The following FLT1 variants were observed in gnomAD, a reference collection of about 807,000 sequenced individuals.
FLT1 encodes the protein vascular endothelial growth factor receptor 1.
A neutral mutation model predicts 156.3 loss-of-function variants in FLT1; 49 were observed. That is an observed-to-expected ratio of 0.31 (90% CI 0.25 to 0.40). The LOEUF (loss-of-function observed/expected upper bound fraction) is 0.40, where lower values mean the gene tolerates loss of function less well. Ranked by LOEUF, FLT1 falls within the 10% of genes least tolerant of loss-of-function variation. The probability of loss-of-function intolerance (pLI) is 1.00; values close to 1 mark genes in which losing one functional copy is unlikely to be tolerated. For synonymous variants in FLT1, 594 were observed against 583.8 expected (o/e 1.02, Z -0.25); for missense variants, 1,322 against 1,637.2 (o/e 0.81, Z 3.32).
intron 3 of FLT1, among the ~76,000 whole-genome samples, chr13:28,443,949 G>A (rs1878469750): frequency 6.6e-6 from 1 of 152,184 alleles, no homozygotes. Flanking sequence ...AATTATTAGT[G>A]AGGAAATGGT....
intron 4 of FLT1, among the ~76,000 whole-genome samples, chr13:28,436,676 G>C (rs1878042811): frequency 6.6e-6 from 1 of 152,192 alleles, no homozygotes; most frequent in South Asian, 2.1e-4. Context: ...ACTAATGGGA[G>C]TAATGCCATG....
At chr13:28,365,350 T>C (rs1873251777) in intron 14 of FLT1, among the ~76,000 whole-genome samples, 1 of 152,026 alleles carries the variant, frequency 6.6e-6, no homozygotes, top group East Asian at 1.9e-4. Flanking sequence ...AACTAACATG[T>C]AGAACTCCCT....
intron 3 of FLT1, among the ~76,000 whole-genome samples, chr13:28,445,361 A>G (rs1372326071): frequency 2.0e-5 from 3 of 152,192 alleles, no homozygotes; most frequent in African/African-American, 4.8e-5. Flanking sequence ...CTGTAATCCC[A>G]GCTACTCAGG....
intron 14 of FLT1, among the ~76,000 whole-genome samples, chr13:28,362,961 G>A (rs964600879): frequency 6.6e-6 from 1 of 152,120 alleles, no homozygotes; most frequent in African/African-American, 2.4e-5. Context: ...CCACTCAGAC[G>A]CTCAGAACTG....
At chr13:28,392,691 A>G (rs889867022) in intron 12 of FLT1, among the ~76,000 whole-genome samples, 1 of 152,242 alleles carries the variant, frequency 6.6e-6, no homozygotes, top group Non-Finnish European at 1.5e-5. Context: ...ATTTAGTGAC[A>G]TTGGGAAACC....
chr13:28,455,885 T>C (rs1879233528), intron 3 of FLT1, among the ~76,000 whole-genome samples: 1 of 152,206 alleles, frequency 6.6e-6, no homozygotes, highest in Admixed American at 6.5e-5. Flanking sequence ...CCACGTCATG[T>C]CATTGGGAAA....
intron 14 of FLT1, among the ~76,000 whole-genome samples, chr13:28,383,580 G>A (rs1018986890): frequency 3.3e-5 from 5 of 151,880 alleles, no homozygotes; most frequent in African/African-American, 7.3e-5. Flanking sequence ...GGAGAATGGC[G>A]TGACCTGGGT....
chr13:28,460,723 T>G (rs757812380), intron 3 of FLT1, among the ~76,000 whole-genome samples: 1 of 131,430 alleles, frequency 7.6e-6, no homozygotes, highest in Non-Finnish European at 1.5e-5. Flanking sequence ...ATAATAGATA[T>G]GGTCTATCCT....
chr13:28,434,175 C>T lies in FLT1; in HGVS notation c.559G>A (p.Asp187Asn), dbSNP rs776254464. 3 of 1,613,920 alleles carry T rather than the reference C, an allele frequency of 1.9e-6. No homozygotes were observed. The highest frequency in any genetic ancestry group is 1.7e-6 in the Non-Finnish European group (2 of 1,179,996). Reference protein sequence around the residue: ...LIPDGKRIIWDSRKGFIISNA... With the variant: ...LIPDGKRIIWNSRKGFIISNA... ...GATATGATGAAGCCCTTTCTACTGTCCCAGATTATGCGTTTTCCATCAGGG... is the reference window on the plus strand; with the variant it reads ...GATATGATGAAGCCCTTTCTACTGTTCCAGATTATGCGTTTTCCATCAGGG... The change falls in exon 5 of 30, where the codon GAC becomes AAC. Residue 187 changes from aspartate (D) to asparagine (N), a missense_variant. This residue lies in a region of FLT1 where 991 missense variants were observed against 1,254.8 expected (regional missense o/e 0.79). Transcript: ENST00000282397.
chr13:28,471,434 C>T (rs1225147930), intron 1 of FLT1, among the ~76,000 whole-genome samples: 6 of 152,202 alleles, frequency 3.9e-5, no homozygotes, highest in Non-Finnish European at 8.8e-5. Flanking sequence ...TAACACATTT[C>T]TTTGAGGCAG....
In FLT1 at chr13:28,406,835, T is replaced by C. The variant is rs566852727; in HGVS notation, c.1437-941A>G. On this transcript the variant is annotated intron_variant, in intron 10 of 29. Coordinates refer to ENST00000282397, the MANE Select transcript of FLT1 (RefSeq NM_002019.4). ...TCCAGAAAAAAATGAGTGGTTCATC[T>C]TTAGCAGCCAAGAGCAGGAATGACT... Among the ~76,000 whole-genome samples, 107 of 152,246 alleles carry C rather than the reference T, an allele frequency of 7.0e-4. 1 individual carries two copies. The highest frequency in any genetic ancestry group is 3.7e-3 in the South Asian group (18 of 4,814).
At chr13:28,372,361 G>A (rs1873643695) in intron 14 of FLT1, among the ~76,000 whole-genome samples, 1 of 149,406 alleles carries the variant, frequency 6.7e-6, no homozygotes, top group Admixed American at 6.7e-5. Flanking sequence ...GGGGATTACA[G>A]GCATGAGCCA....
intron 14 of FLT1, among the ~76,000 whole-genome samples, chr13:28,362,826 AAGG>A (rs1413978822): frequency 6.6e-6 from 1 of 152,164 alleles, no homozygotes; most frequent in Non-Finnish European, 1.5e-5. Context: ...TTTCTAGCCC[AAGG>A]AGGAGAGGAG....
At chr13:28,360,480 T>C (rs1024380333) in intron 14 of FLT1, among the ~76,000 whole-genome samples, 16 of 152,210 alleles carry the variant, frequency 1.1e-4, no homozygotes, top group Admixed American at 9.8e-4. Flanking sequence ...ATTTGGTGTA[T>C]ATATACAATG....
intron 10 of FLT1, among the ~76,000 whole-genome samples, chr13:28,409,368 T>TC (rs1471147097): frequency 6.7e-6 from 1 of 150,086 alleles, no homozygotes; most frequent in East Asian, 1.9e-4. Context: ...TTTTTTTTTT[T>TC]CTGTCACCCA....
chr13:28,487,693 A>G (rs1881242053), intron 1 of FLT1, among the ~76,000 whole-genome samples: 1 of 152,184 alleles, frequency 6.6e-6, no homozygotes, highest in Non-Finnish European at 1.5e-5. Context: ...GCAGCGAGAC[A>G]ATGACACCTC....
rs57608920 is a variant in FLT1, at chr13:28,372,566, G to GTATATATATATATA, written c.2116+12305_2116+12318dup. Among the ~76,000 whole-genome samples, 381 of 91,370 alleles carry GTATATATATATATA rather than the reference G, an allele frequency of 4.2e-3. 15 individuals are homozygous for GTATATATATATATA. Among genetic ancestry groups the GTATATATATATATA allele is most frequent in the South Asian group, 6.6e-3 (15 of 2,276 alleles). The allele number at this position is 91,370 out of a possible 152,430, so 59.9% of individuals were successfully genotyped here. A position where few individuals can be genotyped will look rare whatever the true frequency, so the allele number is the denominator to read the frequency against. ...CATATATTCCTCGTTTAAATAAAAT[G>GTATATATATATATA]TATATATATATATATATATATATAT... is the stretch of plus-strand genomic sequence containing the variant. On this transcript the variant is annotated intron_variant, in intron 14 of 29. Transcript: ENST00000282397.
chr13:28,440,484 C>T lies in FLT1; in HGVS notation c.389-2139G>A, dbSNP rs1355769878. On this transcript the variant is annotated intron_variant, in intron 3 of 29. Coordinates refer to ENST00000282397, the MANE Select transcript of FLT1 (RefSeq NM_002019.4). ...CATAGAAAGGGCTGCCAGCAGGTGA[C>T]AATGGTTTTTCAGAGATGAAGGCTG... Among the ~76,000 whole-genome samples the T allele has an allele frequency of 2.6e-5, 4 of 152,178 alleles. No homozygotes were observed. In the East Asian group the frequency reaches 7.7e-4, roughly 29 times the overall value.
chr13:28,432,996 C>T (rs1172238452), intron 6 of FLT1, among the ~76,000 whole-genome samples: 2 of 152,176 alleles, frequency 1.3e-5, no homozygotes, highest in South Asian at 2.1e-4. Flanking sequence ...ATTTCCATGG[C>T]GAGAAATGTC....
Sources: allele counts gnomAD v4.1 joint callset (sites outside exome capture counted in the v4.1 genomes callset), GRCh38; gene constraint gnomAD v4.1.1; regional missense constraint gnomAD v4.1.1; transcripts MANE v1.5; gene names NCBI Gene and HGNC (gene_info 2026-07-23, HGNC 2026-07-21).